Variants in SYNE3 observed in about 807,000 individuals in gnomAD.
SYNE3 encodes the protein spectrin repeat containing nuclear envelope family member 3, also known as nesprin-3.
A neutral mutation model predicts 111.2 loss-of-function variants in SYNE3; 100 were observed. The ratio of observed to expected loss-of-function variants is 0.90; its 90% confidence interval spans 0.77 to 1.06. The LOEUF (loss-of-function observed/expected upper bound fraction) is 1.06. Ranked by LOEUF, SYNE3 falls within the 50% of genes least tolerant of loss-of-function variation. SYNE3 has a pLI of 0.00. For synonymous variants in SYNE3, 547 were observed against 533.9 expected (o/e 1.02, Z -0.34); for missense variants, 1,160 against 1,240.3 (o/e 0.94, Z 0.97).
chr14:95,426,490 C>A (rs938240203), intron 17 of SYNE3, among the ~76,000 whole-genome samples: 3 of 152,128 alleles, frequency 2.0e-5, no homozygotes, highest in Admixed American at 6.5e-5. Context: ...GAAACCATTT[C>A]CTCCCACTAT....
intron 11 of SYNE3, among the ~76,000 whole-genome samples, chr14:95,441,230 C>G (rs1442592147): frequency 1.3e-5 from 2 of 152,206 alleles, no homozygotes; most frequent in African/African-American, 2.4e-5. Flanking sequence ...AGGCCCATAC[C>G]AGGGGCTGGG....
intron 1 of SYNE3, among the ~76,000 whole-genome samples, chr14:95,490,363 C>T (rs1889789798): frequency 6.6e-6 from 1 of 152,242 alleles, no homozygotes; most frequent in Non-Finnish European, 1.5e-5. Context: ...CAACCTGTAA[C>T]AGCTGGAGAC....
chr14:95,457,407 G>A lies in SYNE3; in HGVS notation c.628-69C>T, dbSNP rs138487584. 9.7e-4 allele frequency: 1,511 copies of A among 1,564,200 alleles called. 9 individuals are homozygous for A. The African/African-American group carries it at 0.017, about 18-fold the overall frequency. ...AGACAGCCCAAAGGCCAGAAAGCCCGTAGCCTGCCTGGGTGTGTGTGTGTG... is the reference window on the plus strand; with the variant it reads ...AGACAGCCCAAAGGCCAGAAAGCCCATAGCCTGCCTGGGTGTGTGTGTGTG... On this transcript the variant is annotated intron_variant, in intron 4 of 17. Transcript: ENST00000682763.
chr14:95,444,219 T>C (rs1438704656), intron 10 of SYNE3: 2 of 465,860 alleles, frequency 4.3e-6, no homozygotes, highest in Non-Finnish European at 3.7e-6. Context: ...TAAAAACAAA[T>C]ACCAATGTTA....
At chr14:95,516,430 C>T (rs796173630) in intron 1 of SYNE3, among the ~76,000 whole-genome samples, 166 bp downstream of exon 1, 23 of 152,116 alleles carry the variant, frequency 1.5e-4, no homozygotes, top group African/African-American at 4.8e-4. Context: ...ACGCCGGGGC[C>T]CCCGCCCCCG....
rs1358030977 is a variant in SYNE3, at chr14:95,457,338, T to A, written c.628A>T (p.Lys210Ter). The A allele has an allele frequency of 6.2e-7, 1 of 1,612,978 alleles. No individual in the cohort carries two copies. The highest frequency in any genetic ancestry group is 8.5e-7 in the Non-Finnish European group (1 of 1,179,450). ...ACCTGCTCCAGCAGATCTACACGCT[T>A]CTGTGGGAGGAGGAGAATCACCAGC... ...EYDAVKAKAQ[K>*]RVDLLEQVAR... is the part of the protein sequence containing the mutation. The change falls in exon 5 of 18, where the codon AAG becomes TAG. Residue 210 changes from lysine to a stop codon, truncating the protein, a stop_gained and splice_region_variant. Coordinates refer to ENST00000682763, the MANE Select transcript of SYNE3 (RefSeq NM_152592.6). LOFTEE classifies it high-confidence loss of function.
rs374330729 is a variant in SYNE3 at position 95,466,058 on chromosome 14, G to A, written c.500C>T (p.Ala167Val). 90 of 1,613,244 alleles carry A rather than the reference G, an allele frequency of 5.6e-5. No individual in the cohort carries two copies. The highest frequency in any genetic ancestry group is 7.3e-5 in the Non-Finnish European group (86 of 1,179,408). The part of the protein sequence containing the change: ...QVLLHNVDNQ[A>V]VLLDRLLEEA... ...CTCCAGCAGCCGGTCCAGGAGCACC[G>A]CCTGGTTGTCCACGTTGTGCAGCAG... Residue 167 changes from alanine to valine, a missense_variant, in exon 4 of 18, where the codon GCG (alanine) becomes GTG (valine). Transcript: ENST00000682763.
intron 1 of SYNE3, among the ~76,000 whole-genome samples, chr14:95,505,680 A>G (rs1275893479): frequency 5.3e-5 from 8 of 150,402 alleles, no homozygotes; most frequent in Non-Finnish European, 7.4e-5. Context: ...TTTTTCTTAT[A>G]GCTAGATTAA....
At chr14:95,475,424 A>G (rs1888821030) in intron 2 of SYNE3, among the ~76,000 whole-genome samples, 1 of 152,250 alleles carries the variant, frequency 6.6e-6, no homozygotes, top group African/African-American at 2.4e-5. Flanking sequence ...CCTTGTCATC[A>G]GAGTGTGTTC....
intron 17 of SYNE3, among the ~76,000 whole-genome samples, chr14:95,427,734 C>A (rs1885518539): frequency 6.6e-6 from 1 of 151,942 alleles, no homozygotes; most frequent in Non-Finnish European, 1.5e-5. Context: ...AACAGCACAG[C>A]CTGGCATTCG....
Position 95,445,890 on chromosome 14 carries a change from G to A in SYNE3, c.1632+19C>T. On this transcript the variant is annotated intron_variant, in intron 9 of 17. Transcript: ENST00000682763. ...CCGTGGCCAAGCCAAGTCCCGAGCA[G>A]ATGCCTGGTGCTGCACACCTGCAGT... 2 of 1,610,260 alleles carry A rather than the reference G, an allele frequency of 1.2e-6. No homozygotes were observed. Among genetic ancestry groups the A allele is most frequent in the Non-Finnish European group, 1.7e-6 (2 of 1,177,500 alleles).
At chr14:95,487,636 C>CA (rs1439239692) in intron 1 of SYNE3, among the ~76,000 whole-genome samples, 1 of 152,208 alleles carries the variant, frequency 6.6e-6, no homozygotes, top group Non-Finnish European at 1.5e-5. Flanking sequence ...ATAAAGCCAA[C>CA]ACCCGTCCAT....
At chr14:95,490,894 C>A (rs1434591569) in intron 1 of SYNE3, among the ~76,000 whole-genome samples, 1 of 152,236 alleles carries the variant, frequency 6.6e-6, no homozygotes, top group Non-Finnish European at 1.5e-5. Flanking sequence ...AGCTCTGCAT[C>A]ATCCGTTGAT....
rs916973146 is a variant in SYNE3, at chr14:95,485,076, G to A, written c.-14-9241C>T. ...TTTGAGAACCATGGGCTTGGAGGAT[G>A]TCTCAGCCTCCCGTAGATGAGAACA... On this transcript the variant is annotated intron_variant, in intron 1 of 17. Transcript: ENST00000682763. This position sits in a 1 kb window ranked among gnomAD's most constrained non-coding sequence, Gnocchi z 4.3. Among the ~76,000 whole-genome samples, 8 of 152,174 alleles carry A rather than the reference G, an allele frequency of 5.3e-5. No homozygotes were observed. Among genetic ancestry groups the A allele is most frequent in the Non-Finnish European group, 7.4e-5 (5 of 68,016 alleles).
At chr14:95,483,439 T>C (rs926682427) in intron 1 of SYNE3, among the ~76,000 whole-genome samples, 4 of 152,140 alleles carry the variant, frequency 2.6e-5, no homozygotes, top group African/African-American at 4.8e-5. Context: ...TCTTTCCCAC[T>C]GCTCTCTTAT....
chr14:95,511,372 C>T lies in SYNE3; in HGVS notation c.-15+5224G>A, dbSNP rs183151214. On this transcript the variant is annotated intron_variant, in intron 1 of 17. Coordinates refer to ENST00000682763, the MANE Select transcript of SYNE3 (RefSeq NM_152592.6). ...AAGTTCTAGAAATGTGTGGTTCCAT[C>T]GTAAAATGTAACTCTCTTCTGACTT... Among the ~76,000 whole-genome samples, 8 of 152,190 alleles carry T rather than the reference C, an allele frequency of 5.3e-5. No homozygotes were observed. The East Asian group carries it at 1.4e-3, about 26-fold the overall frequency.
Position 95,409,521 on chromosome 14 carries a change from C to T in SYNE3, c.*8305G>A, listed in dbSNP as rs1301727660. On this transcript the variant is annotated 3_prime_UTR_variant, in exon 18 of 18. Transcript: ENST00000682763. The stretch of plus-strand genomic sequence containing the variant: ...GTCCCTCCTTATGATTGCTGTCTCT[C>T]GGCTGGACAAGGTGGTTGGGTTGGG... 6 of 398,102 alleles carry T rather than the reference C, an allele frequency of 1.5e-5. No individual in the cohort carries two copies. Among genetic ancestry groups the T allele is most frequent in the Admixed American group, 6.1e-5 (2 of 32,986 alleles). 24.7% of individuals were successfully genotyped at this position (398,102 alleles called of 1,614,324 possible).
At position 95,439,188 on chromosome 14, in the gene SYNE3, AATGCAGAG is replaced by A. The variant is rs548538141; in HGVS notation, c.2247-34_2247-27del. 74 of 1,613,934 alleles carry A rather than the reference AATGCAGAG, an allele frequency of 4.6e-5. No homozygotes were observed. In the African/African-American group the frequency reaches 8.9e-4, roughly 19 times the overall value. On this transcript the variant is annotated intron_variant, in intron 13 of 17. Coordinates refer to ENST00000682763, the MANE Select transcript of SYNE3 (RefSeq NM_152592.6). The stretch of plus-strand genomic sequence containing the variant: ...CTGAGAAGACAAACTCAGCCCAGTC[AATGCAGAG>A]ATGTGGTGGGGACCCACCAGGACAT...
chr14:95,474,571 G>A (rs140241071), intron 2 of SYNE3, among the ~76,000 whole-genome samples: 2 of 152,326 alleles, frequency 1.3e-5, no homozygotes, highest in Non-Finnish European at 2.9e-5. Flanking sequence ...ACAGGAAACG[G>A]TGTGAGGAGA....
Sources: allele counts gnomAD v4.1 joint callset (sites outside exome capture counted in the v4.1 genomes callset), GRCh38; gene constraint gnomAD v4.1.1; non-coding constraint Gnocchi (gnomAD v3.1); transcripts MANE v1.5; gene names NCBI Gene and HGNC (gene_info 2026-07-23, HGNC 2026-07-21).